Variants in TMCO4 observed in about 807,000 individuals in gnomAD.
TMCO4 encodes the protein transmembrane and coiled-coil domain-containing protein 4.
A neutral mutation model predicts 64.7 loss-of-function variants in TMCO4; 58 were observed. The observed-to-expected ratio is 0.90, with a 90% CI of 0.73 to 1.12. The LOEUF (loss-of-function observed/expected upper bound fraction) is 1.12. Ranked by LOEUF, TMCO4 falls within the 50% of genes most tolerant of loss-of-function variation. The probability of loss-of-function intolerance (pLI) is 0.00; values close to 1 mark genes in which losing one functional copy is unlikely to be tolerated. For synonymous variants in TMCO4, 325 were observed against 346.1 expected, an observed-to-expected ratio of 0.94 and a Z score of 0.68; for missense variants, 780 against 825.9, an observed-to-expected ratio of 0.94 and a Z score of 0.68.
At chr1:19,715,365 T>C (rs1472023954) in intron 13 of TMCO4, among the ~76,000 whole-genome samples, 1 of 152,176 alleles carries the variant, frequency 6.6e-6, no homozygotes, top group Non-Finnish European at 1.5e-5. Flanking sequence ...CACCTCAGCC[T>C]CCCAAGTTGC....
Position 19,683,223 on chromosome 1 carries a change from G to A in TMCO4, c.1722C>T (p.Ala574=). Reference sequence around the variant, plus strand: ...GGGCTTGGCTGGGGTCTGTGGACATGGCCAATTTGGAGGTGTCTCCGGATA... The same window carrying A: ...GGGCTTGGCTGGGGTCTGTGGACATAGCCAATTTGGAGGTGTCTCCGGATA... ...GPISGDTSKL[A]MSTDPSQAQV... Residue 574 remains alanine (A), a synonymous_variant, in exon 16 of 16, where the codon GCC becomes GCT. Coordinates refer to ENST00000294543, the MANE Select transcript of TMCO4 (RefSeq NM_181719.7). The A allele has an allele frequency of 6.2e-7, 1 of 1,614,182 alleles. No homozygotes were observed. The highest frequency in any genetic ancestry group is 8.5e-7 in the Non-Finnish European group (1 of 1,180,016).
intron 13 of TMCO4, among the ~76,000 whole-genome samples, chr1:19,725,753 G>C (rs1206046037): frequency 6.6e-6 from 1 of 152,208 alleles, no homozygotes. Flanking sequence ...CATTTGGCAG[G>C]TGCATGTTTT....
At chr1:19,773,885 T>C (rs2281243) in intron 4 of TMCO4, among the ~76,000 whole-genome samples, 44,887 of 152,078 alleles carry the variant, frequency 0.3, 6,865 homozygotes, top group East Asian at 0.35. Flanking sequence ...GGTTAAGAGT[T>C]GGACTCTGAA....
intron 13 of TMCO4, among the ~76,000 whole-genome samples, chr1:19,704,591 T>G (rs1288174176): frequency 3.3e-5 from 5 of 152,212 alleles, no homozygotes; most frequent in South Asian, 2.1e-4. Context: ...GGGATAACCA[T>G]GAGCTCAGCA....
chr1:19,691,772 C>T (rs985733104), intron 15 of TMCO4, among the ~76,000 whole-genome samples: 1 of 152,188 alleles, frequency 6.6e-6, no homozygotes, highest in Admixed American at 6.5e-5. Context: ...GTGTCCCCAC[C>T]CAAATCTCAT....
At chr1:19,711,213 T>C (rs2095329404) in intron 13 of TMCO4, among the ~76,000 whole-genome samples, 2 of 152,224 alleles carry the variant, frequency 1.3e-5, no homozygotes, top group Non-Finnish European at 2.9e-5. Context: ...TTACGTGTCT[T>C]ACAAATTGAA....
At chr1:19,765,310 C>G (rs1379843257) in intron 6 of TMCO4, among the ~76,000 whole-genome samples, 1 of 152,186 alleles carries the variant, frequency 6.6e-6, no homozygotes, top group Non-Finnish European at 1.5e-5. Flanking sequence ...ATCATCTACT[C>G]TGCAATAACT....
intron 13 of TMCO4, among the ~76,000 whole-genome samples, chr1:19,735,887 C>T (rs1218164409): frequency 6.6e-6 from 1 of 152,122 alleles, no homozygotes; most frequent in East Asian, 1.9e-4. Context: ...AAAATGATGA[C>T]AGCAGAGAGG....
rs560827152 is a variant in TMCO4 at position 19,793,262 on chromosome 1, T to C, written c.-101+4875A>G. Among the ~76,000 whole-genome samples, 3 of 152,114 alleles carry C rather than the reference T, an allele frequency of 2.0e-5. No individual in the cohort carries two copies. In the South Asian group the frequency reaches 6.2e-4, roughly 32 times the overall value. ...TGCAGTGCAATAAAATAAGCATTAA[T>C]AGGGAGATGGCTACAGCGTCATGGG... is the stretch of plus-strand genomic sequence containing the variant. On this transcript the variant is annotated intron_variant, in intron 2 of 15. Transcript: ENST00000294543.
intron 13 of TMCO4, among the ~76,000 whole-genome samples, chr1:19,723,499 T>C (rs1374439552): frequency 6.6e-6 from 1 of 152,184 alleles, no homozygotes; most frequent in Non-Finnish European, 1.5e-5. Context: ...GGCGTTGAAG[T>C]GATGGGTGCC....
At chr1:19,772,799 G>A (rs930824094) in intron 4 of TMCO4, among the ~76,000 whole-genome samples, 2 of 152,208 alleles carry the variant, frequency 1.3e-5, no homozygotes, top group Admixed American at 1.3e-4. Flanking sequence ...TAGAGGCAAT[G>A]TCAGGAGCCC....
chr1:19,699,875 C>T (rs751251546), intron 14 of TMCO4, among the ~76,000 whole-genome samples: 3 of 152,178 alleles, frequency 2.0e-5, no homozygotes, highest in African/African-American at 4.8e-5. Flanking sequence ...AACACACACA[C>T]GTTCAGCTCT....
intron 13 of TMCO4, among the ~76,000 whole-genome samples, chr1:19,702,119 G>A (rs79929262): frequency 0.21 from 31,401 of 151,636 alleles, 3,696 homozygotes; most frequent in South Asian, 0.26. Flanking sequence ...ATAGGTGCCC[G>A]CCACCACACC....
intron 14 of TMCO4, among the ~76,000 whole-genome samples, chr1:19,697,017 TCAG>T (rs1214973884): frequency 6.6e-6 from 1 of 152,208 alleles, no homozygotes; most frequent in African/African-American, 2.4e-5. Flanking sequence ...CTCAGTCTCC[TCAG>T]GTTATCTTAG....
chr1:19,759,703 C>T (rs1009140590), intron 6 of TMCO4, among the ~76,000 whole-genome samples: 1 of 152,210 alleles, frequency 6.6e-6, no homozygotes, highest in Non-Finnish European at 1.5e-5. Flanking sequence ...AATATCACTT[C>T]CTTAGAGAAG....
intron 15 of TMCO4, among the ~76,000 whole-genome samples, chr1:19,693,296 A>G (rs530513814): frequency 6.6e-6 from 1 of 151,848 alleles, no homozygotes; most frequent in Non-Finnish European, 1.5e-5. Context: ...CAGCCTGAGT[A>G]ATATGGTGAA....
intron 2 of TMCO4, among the ~76,000 whole-genome samples, chr1:19,795,897 G>A (rs1340182923): frequency 2.0e-5 from 3 of 152,150 alleles, no homozygotes; most frequent in Non-Finnish European, 2.9e-5. Flanking sequence ...ACCTGTGGAC[G>A]GGCCTAACCT....
chr1:19,683,465 G>C (rs1570597973), intron 15 of TMCO4, 21 bp from the exon 16 acceptor site: 1 of 1,610,470 alleles, frequency 6.2e-7, no homozygotes, highest in Non-Finnish European at 8.5e-7. Flanking sequence ...CAGTGAGTGA[G>C]CACCACCGTG....
chr1:19,704,509 G>A (rs1158232378), intron 13 of TMCO4, among the ~76,000 whole-genome samples: 1 of 152,218 alleles, frequency 6.6e-6, no homozygotes, highest in African/African-American at 2.4e-5. Context: ...TCTGCTGTCT[G>A]CAATAACAAC....
Sources: gnomAD v4.1 joint callset for allele counts (sites outside exome capture counted in the v4.1 genomes callset) on GRCh38, gnomAD v4.1.1 for gene constraint, MANE v1.5 for transcripts, NCBI Gene and HGNC (gene_info 2026-07-23, HGNC 2026-07-21) for gene names.